Variants in PTPRO observed in about 807,000 individuals in gnomAD.
PTPRO encodes the protein protein tyrosine phosphatase receptor type O.
PTPRO carries 62 observed loss-of-function variants against 145.2 expected under a neutral mutation model. That is an observed-to-expected ratio of 0.43 (90% CI 0.35 to 0.53). The LOEUF (loss-of-function observed/expected upper bound fraction) is 0.53. PTPRO is among the 20% of genes least tolerant of loss of function. The pLI is 0.01. For missense variants in PTPRO, 1,345 were observed against 1,482.7 expected (o/e 0.91, Z 1.53); for synonymous variants, 565 against 514.7 (o/e 1.10, Z -1.32).
At chr12:15,384,151 A>C (rs1938950095) in intron 1 of PTPRO, among the ~76,000 whole-genome samples, 1 of 152,116 alleles carries the variant, frequency 6.6e-6, no homozygotes, top group Admixed American at 6.5e-5. Flanking sequence ...CTAGATTTTA[A>C]GTTTTCTTTG....
intron 1 of PTPRO, among the ~76,000 whole-genome samples, chr12:15,337,810 C>T (rs1217774249): frequency 1.3e-5 from 2 of 152,114 alleles, no homozygotes; most frequent in Admixed American, 1.3e-4. Context: ...GGAAAAAGTC[C>T]ATCTCAAAAG....
intron 1 of PTPRO, among the ~76,000 whole-genome samples, chr12:15,356,384 T>C (rs1163678631): frequency 6.6e-6 from 1 of 152,198 alleles, no homozygotes; most frequent in African/African-American, 2.4e-5. Flanking sequence ...AATTCTGATT[T>C]TTTTCCCTAG....
At chr12:15,338,430 T>C (rs560836643) in intron 1 of PTPRO, among the ~76,000 whole-genome samples, 2 of 152,106 alleles carry the variant, frequency 1.3e-5, no homozygotes, top group Non-Finnish European at 2.9e-5. Context: ...CCTAGGAACA[T>C]ACACAAAATA....
At chr12:15,532,604 AG>A (rs1942984887) in intron 12 of PTPRO, among the ~76,000 whole-genome samples, 1 of 152,136 alleles carries the variant, frequency 6.6e-6, no homozygotes, top group South Asian at 2.1e-4. Context: ...TTGAGGATCA[AG>A]GGTTGTCTCT....
intron 1 of PTPRO, among the ~76,000 whole-genome samples, chr12:15,471,602 C>T (rs774904941): frequency 2.7e-4 from 41 of 152,264 alleles, no homozygotes; most frequent in Non-Finnish European, 5.6e-4. Flanking sequence ...TTTGTTATGT[C>T]ATCATCATCA....
intron 24 of PTPRO, among the ~76,000 whole-genome samples, chr12:15,587,719 A>G (rs925006848): frequency 6.6e-6 from 1 of 152,222 alleles, no homozygotes; most frequent in Non-Finnish European, 1.5e-5. Context: ...CTCCATCAAA[A>G]TCTATCTCTG....
intron 17 of PTPRO, among the ~76,000 whole-genome samples, chr12:15,563,936 AG>A (rs1272399476): frequency 6.6e-6 from 1 of 152,182 alleles, no homozygotes; most frequent in Non-Finnish European, 1.5e-5. Context: ...CTCTTACTAC[AG>A]GAAGTAAATG....
chr12:15,549,015 C>T, intron 13 of PTPRO, 79 bp from the exon 14 acceptor site: 1 of 1,440,450 alleles, frequency 6.9e-7, no homozygotes, highest in Non-Finnish European at 9.7e-7. Context: ...CAATCTATTA[C>T]CAACTCAACT....
chr12:15,582,361 G>T (rs554570892), intron 23 of PTPRO, among the ~76,000 whole-genome samples: 4 of 152,344 alleles, frequency 2.6e-5, no homozygotes, highest in South Asian at 2.1e-4. Context: ...CACCACCAGG[G>T]AAGTGCTGGG....
At chr12:15,443,122 A>G (rs1222284441) in intron 1 of PTPRO, among the ~76,000 whole-genome samples, 2 of 152,232 alleles carry the variant, frequency 1.3e-5, no homozygotes, top group Non-Finnish European at 2.9e-5. Flanking sequence ...ACGAAAAGAG[A>G]CACGTAGACC....
chr12:15,597,545 C>T lies in PTPRO; in HGVS notation c.*1472C>T, dbSNP rs1349714229. ...ATCAGCTTAATATTTTATCAGTGAC[C>T]TTAGTGTTGGTGAAGGATGCCAAAT... On this transcript the variant is annotated 3_prime_UTR_variant, in exon 27 of 27. Coordinates refer to ENST00000281171, the MANE Select transcript of PTPRO (RefSeq NM_030667.3). 1 of 152,172 alleles carries T rather than the reference C, an allele frequency of 6.6e-6. No homozygotes were observed. Among genetic ancestry groups the T allele is most frequent in the Non-Finnish European group, 1.5e-5 (1 of 68,050 alleles). The allele number at this position is 152,172 out of a possible 1,614,324, so 9.4% of individuals were successfully genotyped here. A position where few individuals can be genotyped will look rare whatever the true frequency, so the allele number is the denominator to read the frequency against.
At chr12:15,415,712 C>G (rs188411546) in intron 1 of PTPRO, among the ~76,000 whole-genome samples, 1 of 151,824 alleles carries the variant, frequency 6.6e-6, no homozygotes, top group East Asian at 1.9e-4. Context: ...TTACACACTC[C>G]ATTGATTGTA....
rs750721345 is a variant in PTPRO, at chr12:15,497,307, C to T, written c.412C>T (p.Leu138=). 4.4e-6 allele frequency: 7 copies of T among 1,597,622 alleles called. No individual in the cohort carries two copies. Among genetic ancestry groups the T allele is most frequent in the Non-Finnish European group, 6.0e-6 (7 of 1,165,440 alleles). The change falls in exon 3 of 27, where the codon CTG becomes TTG. Residue 138 remains leucine, a synonymous_variant. Transcript: ENST00000281171. ...DYKPSPETGV[L]FEIHYPEKYN... Reference sequence around the variant, plus strand: ...TAAACCTTCTCCTGAAACAGGAGTCCTGTTTGAAATACATTATCCAGAAAA... The same window carrying T: ...TAAACCTTCTCCTGAAACAGGAGTCTTGTTTGAAATACATTATCCAGAAAA...
At chr12:15,447,044 T>C (rs942728225) in intron 1 of PTPRO, among the ~76,000 whole-genome samples, 12 of 152,074 alleles carry the variant, frequency 7.9e-5, no homozygotes, top group African/African-American at 2.9e-4. Flanking sequence ...CTTCTTGGTG[T>C]TTTGCTTACA....
intron 1 of PTPRO, among the ~76,000 whole-genome samples, chr12:15,459,536 A>C (rs1368255663): frequency 6.6e-6 from 1 of 152,238 alleles, no homozygotes; most frequent in Non-Finnish European, 1.5e-5. Flanking sequence ...GTTTCCTATC[A>C]GCTTCAGTGT....
At chr12:15,513,215 A>AAG (rs1942502355) in intron 7 of PTPRO, among the ~76,000 whole-genome samples, 2 of 136,228 alleles carry the variant, frequency 1.5e-5, no homozygotes, top group African/African-American at 5.5e-5. Context: ...GAAAGAAAGA[A>AAG]AGAAAGAAAG....
intron 25 of PTPRO, among the ~76,000 whole-genome samples, chr12:15,592,292 A>T (rs1944570179): frequency 6.6e-6 from 1 of 152,226 alleles, no homozygotes; most frequent in South Asian, 2.1e-4. Context: ...TTCTTTTCAC[A>T]TGTATCATCC....
rs1205059748 is a variant in PTPRO, at chr12:15,580,707, C to T, written c.3008C>T (p.Ser1003Leu). 6.2e-7 allele frequency: 1 copy of T among 1,613,970 alleles called. No individual in the cohort carries two copies. The highest frequency in any genetic ancestry group is 1.3e-5 in the African/African-American group (1 of 74,914). ...TCACTTATCTTTCAGGGATACAACT[C>T]ACCCCAGGAGTATATTGCCACCCAG... The part of the protein sequence containing the change: ...INANYIPGYN[S>L]PQEYIATQGP... The change falls in exon 22 of 27, where the codon TCA becomes TTA. Residue 1003 changes from serine to leucine, a missense_variant. This residue lies in a region of PTPRO where 1,130 missense variants were observed against 1,214.7 expected (regional missense o/e 0.93). Coordinates refer to ENST00000281171, the MANE Select transcript of PTPRO (RefSeq NM_030667.3).
chr12:15,343,528 A>G (rs1442115337), intron 1 of PTPRO, among the ~76,000 whole-genome samples: 1 of 152,092 alleles, frequency 6.6e-6, no homozygotes, highest in Non-Finnish European at 1.5e-5. Flanking sequence ...TCTCTACAAA[A>G]AATTTCAAAA....
Sources: allele counts gnomAD v4.1 joint callset (sites outside exome capture counted in the v4.1 genomes callset), GRCh38; gene constraint gnomAD v4.1.1; regional missense constraint gnomAD v4.1.1; transcripts MANE v1.5; gene names NCBI Gene and HGNC (gene_info 2026-07-23, HGNC 2026-07-21).